KLF12: variants seen among roughly 807,000 people sequenced by gnomAD.
The protein encoded by KLF12 is Krueppel-like factor 12.
A neutral mutation model predicts 37.8 loss-of-function variants in KLF12; 9 were observed. The observed-to-expected ratio is 0.24, with a 90% CI of 0.14 to 0.42. The LOEUF (loss-of-function observed/expected upper bound fraction) is 0.42, where lower values mean the gene tolerates loss of function less well. Ranked by LOEUF, KLF12 falls within the 10% of genes least tolerant of loss-of-function variation. The pLI is 1.00. For synonymous variants in KLF12, 208 were observed against 202.1 expected (o/e 1.03, Z -0.25); for missense variants, 411 against 516.0 (o/e 0.80, Z 1.97).
chr13:74,300,108 A>T, the KLF12 span, among the ~76,000 whole-genome samples: 4 of 152,160 alleles, frequency 2.6e-5, no homozygotes, highest in Non-Finnish European at 4.4e-5. Flanking sequence ...GGGCATCTTT[A>T]AAAAAATTCA....
the KLF12 span, among the ~76,000 whole-genome samples, chr13:74,264,476 G>C: frequency 6.6e-6 from 1 of 152,214 alleles, no homozygotes; most frequent in African/African-American, 2.4e-5. Context: ...AAATGGGACA[G>C]AGTGACATTC....
At chr13:74,134,503 G>A (rs978463350), upstream of KLF12, among the ~76,000 whole-genome samples, 1 of 151,712 alleles carries the variant, frequency 6.6e-6, no homozygotes, top group East Asian at 2.0e-4. Flanking sequence ...CCGGACCGCC[G>A]GGCTGGGTCC....
At chr13:73,703,027 A>G (rs1326045411) in intron 7 of KLF12, among the ~76,000 whole-genome samples, 1 of 152,264 alleles carries the variant, frequency 6.6e-6, no homozygotes, top group East Asian at 1.9e-4. Flanking sequence ...CTGAAAGAGC[A>G]CACAGCCATA....
intron 3 of KLF12, among the ~76,000 whole-genome samples, chr13:73,909,616 T>C (rs184051872): frequency 1.7e-3 from 253 of 152,290 alleles, no homozygotes; most frequent in African/African-American, 5.9e-3. Context: ...AGGACAGACA[T>C]AGCATTTCCA....
At chr13:73,926,184 G>A (rs1175650685) in intron 3 of KLF12, among the ~76,000 whole-genome samples, 2 of 152,172 alleles carry the variant, frequency 1.3e-5, no homozygotes, top group Non-Finnish European at 2.9e-5. Flanking sequence ...AGCATTGCAT[G>A]CTACAGAGAA....
chr13:74,253,013 ATCTATCTATCTG>A, the KLF12 span, among the ~76,000 whole-genome samples: 11,582 of 131,334 alleles, frequency 0.088, 500 homozygotes, highest in African/African-American at 0.14. Flanking sequence ...CTATCTATCT[ATCTATCTATCTG>A]TCTGTCTATC....
the KLF12 span, among the ~76,000 whole-genome samples, chr13:74,294,086 G>A: frequency 1.3e-5 from 2 of 152,214 alleles, no homozygotes; most frequent in South Asian, 2.1e-4. Flanking sequence ...CCAGAATGCC[G>A]GGAGTAGGGC....
intron 3 of KLF12, among the ~76,000 whole-genome samples, chr13:73,903,790 C>T (rs1288185042): frequency 1.3e-5 from 2 of 152,230 alleles, no homozygotes; most frequent in Non-Finnish European, 2.9e-5. Context: ...GCCTGAGCTC[C>T]ACCACCTGCC....
intron 3 of KLF12, among the ~76,000 whole-genome samples, chr13:73,918,120 TAC>T (rs1888933173): frequency 1.3e-5 from 2 of 151,824 alleles, no homozygotes; most frequent in African/African-American, 4.8e-5. Context: ...TATCTATGTA[TAC>T]AGAGAGAGAG....
the KLF12 span, among the ~76,000 whole-genome samples, chr13:74,270,883 T>G: frequency 6.6e-6 from 1 of 152,176 alleles, no homozygotes; most frequent in African/African-American, 2.4e-5. Context: ...CCATCAATTC[T>G]GTGAGCCACT....
At chr13:73,738,114 TATATATATATAC>T (rs1877634882) in intron 6 of KLF12, among the ~76,000 whole-genome samples, 1 of 69,182 alleles carries the variant, frequency 1.4e-5, no homozygotes, top group Non-Finnish European at 2.8e-5. Flanking sequence ...TATATATATA[TATATATATATAC>T]ACACACACAC....
the KLF12 span, among the ~76,000 whole-genome samples, chr13:74,222,121 G>A: frequency 6.6e-6 from 1 of 152,184 alleles, no homozygotes; most frequent in Non-Finnish European, 1.5e-5. Context: ...TGTTGAATTT[G>A]ACCCTCACGT....
chr13:73,812,594 A>G (rs1454909367), intron 5 of KLF12, among the ~76,000 whole-genome samples: 1 of 152,122 alleles, frequency 6.6e-6, no homozygotes, highest in African/African-American at 2.4e-5. Context: ...AATTCTAGGT[A>G]CAAGGTTGAC....
chr13:73,928,840 G>C (rs1889530133), intron 3 of KLF12, among the ~76,000 whole-genome samples: 1 of 152,284 alleles, frequency 6.6e-6, no homozygotes, highest in East Asian at 1.9e-4. Flanking sequence ...GTCCTCATTG[G>C]TAAAGTGGCA....
intron 1 of KLF12, among the ~76,000 whole-genome samples, chr13:74,116,329 A>G (rs548598074): frequency 6.6e-6 from 1 of 152,362 alleles, no homozygotes; most frequent in Non-Finnish European, 1.5e-5. Context: ...AAACACTCTT[A>G]TTCACATCGA....
chr13:73,935,819 G>A (rs528550333), intron 3 of KLF12, among the ~76,000 whole-genome samples: 1 of 152,124 alleles, frequency 6.6e-6, no homozygotes, highest in African/African-American at 2.4e-5. Context: ...GTAGAAATGG[G>A]GTTTCACCAC....
At chr13:74,000,722 A>T (rs1892257224) in intron 1 of KLF12, among the ~76,000 whole-genome samples, 1 of 152,178 alleles carries the variant, frequency 6.6e-6, no homozygotes, top group South Asian at 2.1e-4. Context: ...GCAAAAGCAC[A>T]CTGACATGGA....
intron 5 of KLF12, among the ~76,000 whole-genome samples, chr13:73,773,495 A>C (rs1036758745): frequency 1.3e-5 from 2 of 152,198 alleles, no homozygotes; most frequent in African/African-American, 4.8e-5. Flanking sequence ...TCTGTTAAAC[A>C]ACCCAGAAAC....
intron 3 of KLF12, among the ~76,000 whole-genome samples, chr13:73,917,142 T>C (rs569055165): frequency 6.6e-6 from 1 of 152,324 alleles, no homozygotes; most frequent in Non-Finnish European, 1.5e-5. Flanking sequence ...AAGTGTCTGA[T>C]TGGCCCTGCC....
Sources: gnomAD v4.1 joint callset for allele counts (sites outside exome capture counted in the v4.1 genomes callset) on GRCh38, gnomAD v4.1.1 for gene constraint, MANE v1.5 for transcripts, NCBI Gene and HGNC (gene_info 2026-07-23, HGNC 2026-07-21) for gene names.